Variants in CYB5RL observed in about 807,000 individuals in gnomAD.
CYB5RL encodes cytochrome b5 reductase like.
Under a neutral mutation model 37.5 loss-of-function variants are expected in CYB5RL, and 38 were observed. The observed-to-expected ratio is 1.01, with a 90% CI of 0.78 to 1.33. CYB5RL has a LOEUF of 1.33. Ranked by LOEUF, CYB5RL falls within the 40% of genes most tolerant of loss-of-function variation. CYB5RL has a pLI of 0.00. For missense variants in CYB5RL, 388 were observed against 394.4 expected (o/e 0.98, Z 0.14); for synonymous variants, 141 against 151.9 (o/e 0.93, Z 0.53).
chr1:54,196,347 C>A (rs1177874422), intron 2 of CYB5RL, 22 bp downstream of exon 2: 1 of 152,042 alleles, frequency 6.6e-6, no homozygotes, highest in African/African-American at 2.4e-5. Context: ...ACCACCATAC[C>A]TGGCTAATTT....
Position 54,171,471 on chromosome 1 carries a change from T to A in CYB5RL, c.*3148A>T. 2.2e-6 allele frequency: 1 copy of A among 455,446 alleles called. No homozygotes were observed. Among genetic ancestry groups the A allele is most frequent in the South Asian group, 1.6e-5 (1 of 64,504 alleles). 28.2% of individuals were successfully genotyped at this position (455,446 alleles called of 1,614,324 possible). A position where few individuals can be genotyped will look rare whatever the true frequency, so the allele number is the denominator to read the frequency against. ...TGGAGACTGGGAGCTGGGAGACCCA[T>A]GAGGGGAACACAGAAGTGACGTTGG... On this transcript the variant is annotated 3_prime_UTR_variant, in exon 8 of 8. Coordinates refer to ENST00000534324, the MANE Select transcript of CYB5RL (RefSeq NM_001031672.4).
At chr1:54,180,597 C>G (rs1322636418) in intron 6 of CYB5RL, among the ~76,000 whole-genome samples, 2 of 150,452 alleles carry the variant, frequency 1.3e-5, no homozygotes, top group Non-Finnish European at 3.0e-5. Flanking sequence ...GTGCGAGACT[C>G]CGTCTCAAAG....
intron 7 of CYB5RL, among the ~76,000 whole-genome samples, chr1:54,176,168 G>A (rs1409275469): frequency 6.6e-6 from 1 of 152,234 alleles, no homozygotes; most frequent in Non-Finnish European, 1.5e-5. Context: ...CCACTGTCCA[G>A]AGAGCCGTGG....
chr1:54,178,351 A>G (rs1660072806), intron 7 of CYB5RL, among the ~76,000 whole-genome samples: 1 of 152,180 alleles, frequency 6.6e-6, no homozygotes, highest in Non-Finnish European at 1.5e-5. Context: ...CAGGGAACAC[A>G]GGGGGCCCAG....
At chr1:54,175,892 C>A (rs60003094) in intron 7 of CYB5RL, among the ~76,000 whole-genome samples, 1 of 152,072 alleles carries the variant, frequency 6.6e-6, no homozygotes, top group East Asian at 1.9e-4. Flanking sequence ...TGCAGGGGGT[C>A]CTGGAGTCAA....
intron 7 of CYB5RL, among the ~76,000 whole-genome samples, chr1:54,177,270 A>G: frequency 6.6e-6 from 1 of 151,956 alleles, no homozygotes; most frequent in East Asian, 1.9e-4. Context: ...CAGGCAGGGG[A>G]GAGAGCACAC....
Position 54,170,855 on chromosome 1 carries a change from A to AT in CYB5RL, c.*3763dup. ...AGAAGCTTAGTTTCCTCATCAGTAA[A>AT]TTGGGGTAATAAAATAGCATGTATA... is the stretch of plus-strand genomic sequence containing the variant. On this transcript the variant is annotated 3_prime_UTR_variant, in exon 8 of 8. Transcript: ENST00000534324. 1 of 316,676 alleles carries AT rather than the reference A, an allele frequency of 3.2e-6. No homozygotes were observed. The highest frequency in any genetic ancestry group is 6.3e-6 in the Non-Finnish European group (1 of 158,684). The allele number at this position is 316,676 out of a possible 1,614,324, so 19.6% of individuals were successfully genotyped here. A position where few individuals can be genotyped will look rare whatever the true frequency, so the allele number is the denominator to read the frequency against.
intron 5 of CYB5RL, chr1:54,186,134 T>C (rs886591327): frequency 3.9e-5 from 6 of 152,636 alleles, no homozygotes; most frequent in Non-Finnish European, 7.3e-5. Context: ...AACGGACTAA[T>C]ACATACCCAC....
Position 54,174,323 on chromosome 1 carries a change from A to G in CYB5RL, c.*296T>C, listed in dbSNP as rs1659965486. 4.9e-6 allele frequency: 2 copies of G among 410,886 alleles called. No homozygotes were observed. The highest frequency in any genetic ancestry group is 9.7e-5 in the East Asian group (2 of 20,524). The allele number at this position is 410,886 out of a possible 1,614,324, so 25.5% of individuals were successfully genotyped here. ...CCAACTCCTACTCCTCCTGGGGCTC[A>G]GCCTGGACTTGGCTTCCTCTGAAGA... On this transcript the variant is annotated 3_prime_UTR_variant, in exon 8 of 8. Transcript: ENST00000534324.
chr1:54,171,448 G>C lies in CYB5RL; in HGVS notation c.*3171C>G. On this transcript the variant is annotated 3_prime_UTR_variant, in exon 8 of 8. Coordinates refer to ENST00000534324, the MANE Select transcript of CYB5RL (RefSeq NM_001031672.4). ...CTGGTCTCAGCGTGGAGGTGGCATG[G>C]AGACTGGGAGCTGGGAGACCCATGA... 1 of 456,206 alleles carries C rather than the reference G, an allele frequency of 2.2e-6. No homozygotes were observed. The highest frequency in any genetic ancestry group is 1.5e-5 in the South Asian group (1 of 64,558). The allele number at this position is 456,206 out of a possible 1,614,324, so 28.3% of individuals were successfully genotyped here.
Position 54,170,950 on chromosome 1 carries a change from A to C in CYB5RL, c.*3669T>G, listed in dbSNP as rs74795580. ...ACCTGGAAAGCACTTCCTGAACATT[A>C]GTTGTTTATCGCTCAGGTATTCGAC... On this transcript the variant is annotated 3_prime_UTR_variant, in exon 8 of 8. Transcript: ENST00000534324. 5.3e-4 allele frequency: 185 copies of C among 349,894 alleles called. No homozygotes were observed. The highest frequency in any genetic ancestry group is 3.7e-3 in the African/African-American group (174 of 46,828). 21.7% of individuals were successfully genotyped at this position (349,894 alleles called of 1,614,324 possible).
Position 54,174,477 on chromosome 1 carries a change from C to T in CYB5RL, c.*142G>A. On this transcript the variant is annotated 3_prime_UTR_variant, in exon 8 of 8. Coordinates refer to ENST00000534324, the MANE Select transcript of CYB5RL (RefSeq NM_001031672.4). ...GCAGATGAGAAGTAGAGGTTCTGAG[C>T]AGTAAAGACACTTGCCCAAGGTCAC... The T allele has an allele frequency of 1.1e-6, 1 of 878,174 alleles. No individual in the cohort carries two copies. The highest frequency in any genetic ancestry group is 1.8e-6 in the Non-Finnish European group (1 of 558,136). 54.4% of individuals were successfully genotyped at this position (878,174 alleles called of 1,614,324 possible).
At chr1:54,198,162 G>A (rs1158245524) in intron 1 of CYB5RL, among the ~76,000 whole-genome samples, 3 of 151,908 alleles carry the variant, frequency 2.0e-5, no homozygotes, top group Admixed American at 6.6e-5. Flanking sequence ...TGGGAGCTAG[G>A]TGTTGGGAGG....
At chr1:54,198,121 A>C (rs1425178772) in intron 1 of CYB5RL, among the ~76,000 whole-genome samples, 2 of 149,530 alleles carry the variant, frequency 1.3e-5, no homozygotes, top group African/African-American at 5.0e-5. Context: ...AAGGTTCCCT[A>C]TGACTGCTCA....
chr1:54,190,879 C>A lies in CYB5RL; in HGVS notation c.216G>T (p.Leu72=), dbSNP rs369271917. The change falls in exon 4 of 8, where the codon CTG becomes CTT. Residue 72 remains leucine (L), a synonymous_variant. Transcript: ENST00000534324. ...AGAAGGCCACGAAGGTCTCTGGGTT[C>A]AGCTTGGAGGGGCAGCTCTGCAACA... The part of the protein sequence containing the change: ...GPESQSCPSK[L]NPETFVAFCI... The A allele has an allele frequency of 4.5e-5, 72 of 1,611,958 alleles. No individual in the cohort carries two copies. In the African/African-American group the frequency reaches 5.6e-4, roughly 13 times the overall value.
At chr1:54,189,935 G>A (rs531411043) in intron 4 of CYB5RL, among the ~76,000 whole-genome samples, 5 of 152,296 alleles carry the variant, frequency 3.3e-5, no homozygotes, top group African/African-American at 7.2e-5. Context: ...TGCCAATACC[G>A]TAGATGCTGG....
At chr1:54,186,759 G>A (rs796134415) in intron 5 of CYB5RL, among the ~76,000 whole-genome samples, 10 of 152,034 alleles carry the variant, frequency 6.6e-5, no homozygotes, top group Middle Eastern at 3.4e-3. Flanking sequence ...GGGCTCAGAC[G>A]GCAGGTAGGA....
intron 5 of CYB5RL, chr1:54,185,601 A>C (rs1660268069): frequency 6.6e-6 from 1 of 152,208 alleles, no homozygotes; most frequent in Non-Finnish European, 1.5e-5. Context: ...CCACCTGCAC[A>C]AGGCAACGGA....
chr1:54,171,524 C>T lies in CYB5RL; in HGVS notation c.*3095G>A. Reference sequence around the variant, plus strand: ...AACATGGTGAGGGCTGAACTAAAGCCAATGCCGCTTCTGCGACCAAGAATC... The same window carrying T: ...AACATGGTGAGGGCTGAACTAAAGCTAATGCCGCTTCTGCGACCAAGAATC... On this transcript the variant is annotated 3_prime_UTR_variant, in exon 8 of 8. Transcript: ENST00000534324. The T allele has an allele frequency of 9.3e-6, 4 of 428,960 alleles. No homozygotes were observed. The highest frequency in any genetic ancestry group is 6.5e-5 in the South Asian group (4 of 61,298). 26.6% of individuals were successfully genotyped at this position (428,960 alleles called of 1,614,324 possible). A position where few individuals can be genotyped will look rare whatever the true frequency, so the allele number is the denominator to read the frequency against.
Sources: gnomAD v4.1 joint callset for allele counts (sites outside exome capture counted in the v4.1 genomes callset) on GRCh38, gnomAD v4.1.1 for gene constraint, MANE v1.5 for transcripts, NCBI Gene and HGNC (gene_info 2026-07-23, HGNC 2026-07-21) for gene names.